Variants in SBF2 observed in about 807,000 individuals in gnomAD.
SBF2 encodes myotubularin-related protein 13.
Under a neutral mutation model 225.2 loss-of-function variants are expected in SBF2, and 112 were observed. The observed-to-expected ratio is 0.50, with a 90% CI of 0.43 to 0.58. SBF2 has a LOEUF of 0.58. Ranked by LOEUF, SBF2 falls within the 20% of genes least tolerant of loss-of-function variation. SBF2 has a pLI of 0.00. For synonymous variants in SBF2, 763 were observed against 773.3 expected, an observed-to-expected ratio of 0.99 and a Z score of 0.22; for missense variants, 1,996 against 2,206.2, an observed-to-expected ratio of 0.90 and a Z score of 1.91.
chr11:9,803,811 A>T (rs1853629260), intron 32 of SBF2, among the ~76,000 whole-genome samples: 1 of 151,612 alleles, frequency 6.6e-6, no homozygotes, highest in Non-Finnish European at 1.5e-5. Context: ...GAGGAAACAC[A>T]GCACTGGGCC....
intron 6 of SBF2, among the ~76,000 whole-genome samples, chr11:10,015,129 C>T (rs1000548428): frequency 1.3e-5 from 2 of 151,970 alleles, no homozygotes; most frequent in African/African-American, 2.4e-5. Context: ...GCAAGACGCA[C>T]CCTGTCTCAA....
intron 17 of SBF2, among the ~76,000 whole-genome samples, chr11:9,886,894 T>C (rs1469829770): frequency 6.6e-6 from 1 of 152,198 alleles, no homozygotes; most frequent in Non-Finnish European, 1.5e-5. Flanking sequence ...AGAATACACA[T>C]GCTATAATTT....
intron 2 of SBF2, among the ~76,000 whole-genome samples, chr11:10,055,537 ACACAC>A (rs2134732307): frequency 6.9e-6 from 1 of 144,922 alleles, no homozygotes; most frequent in Admixed American, 6.8e-5. Flanking sequence ...ACACACACAC[ACACAC>A]ACACACACAC....
chr11:10,111,639 A>G (rs1215808297), intron 2 of SBF2, among the ~76,000 whole-genome samples: 1 of 152,020 alleles, frequency 6.6e-6, no homozygotes, highest in Non-Finnish European at 1.5e-5. Flanking sequence ...ACTTTGGGAG[A>G]CGGAGGTGGG....
intron 1 of SBF2, among the ~76,000 whole-genome samples, chr11:10,245,202 T>C (rs1434777134): frequency 1.4e-5 from 2 of 144,014 alleles, no homozygotes; most frequent in African/African-American, 5.1e-5. Flanking sequence ...GAAATACAAA[T>C]AACCAACAGG....
At chr11:10,116,539 T>G (rs1186475177) in intron 2 of SBF2, among the ~76,000 whole-genome samples, 1 of 152,220 alleles carries the variant, frequency 6.6e-6, no homozygotes, top group East Asian at 1.9e-4. Context: ...GTCATATTAT[T>G]TCCCTGTTCA....
At chr11:10,065,240 T>C (rs1037966495) in intron 2 of SBF2, among the ~76,000 whole-genome samples, 6 of 152,082 alleles carry the variant, frequency 3.9e-5, no homozygotes, top group Admixed American at 6.5e-5. Context: ...AAACAACCTA[T>C]AAAAATTTGT....
intron 18 of SBF2, 142 bp downstream of exon 18, chr11:9,858,083 GA>G (rs1418008405): frequency 1.2e-6 from 1 of 842,308 alleles, no homozygotes; most frequent in Admixed American, 1.8e-5. Context: ...ATCAACAGAG[GA>G]AAGATATCAC....
intron 1 of SBF2, among the ~76,000 whole-genome samples, chr11:10,292,988 T>C (rs1407494642): frequency 6.6e-6 from 1 of 152,066 alleles, no homozygotes; most frequent in African/African-American, 2.4e-5. Context: ...CAAGAGTGGG[T>C]AGAACAATGG....
At chr11:10,215,692 A>G (rs1958103016) in intron 1 of SBF2, among the ~76,000 whole-genome samples, 1 of 152,216 alleles carries the variant, frequency 6.6e-6, no homozygotes, top group Admixed American at 6.5e-5. Context: ...ACTTACTACA[A>G]TGAATCCATA....
intron 32 of SBF2, among the ~76,000 whole-genome samples, chr11:9,804,585 C>A (rs1458704047): frequency 6.6e-6 from 1 of 152,096 alleles, no homozygotes; most frequent in Non-Finnish European, 1.5e-5. Context: ...TTGCTTATGC[C>A]CTTTGCATGA....
In SBF2 at chr11:10,081,432, C is replaced by T. The variant is rs566431931; in HGVS notation, c.142-38451G>A. ...CCTCTGGGATACAGCAAAAGCAGTGCTAAGAGGGAAATTTATAACATTAAA... is the reference window on the plus strand; with the variant it reads ...CCTCTGGGATACAGCAAAAGCAGTGTTAAGAGGGAAATTTATAACATTAAA... On this transcript the variant is annotated intron_variant, in intron 2 of 39. Coordinates refer to ENST00000256190, the MANE Select transcript of SBF2 (RefSeq NM_030962.4). 4.6e-5 allele frequency among the ~76,000 whole-genome samples: 7 copies of T among 152,116 alleles called. No homozygotes were observed. In the South Asian group the frequency reaches 1.0e-3, roughly 23 times the overall value.
At chr11:9,964,863 G>C (rs1245297125) in intron 14 of SBF2, among the ~76,000 whole-genome samples, 1 of 152,136 alleles carries the variant, frequency 6.6e-6, no homozygotes, top group Non-Finnish European at 1.5e-5. Context: ...AAATGAGGTA[G>C]TATCAATAGT....
Position 9,853,652 on chromosome 11 carries a change from A to T in SBF2, c.2424T>A (p.Asn808Lys), listed in dbSNP as rs146868794. 5.5e-5 allele frequency: 89 copies of T among 1,613,894 alleles called. No homozygotes were observed. Among genetic ancestry groups the T allele is most frequent in the Non-Finnish European group, 7.2e-5 (85 of 1,179,910 alleles). ...DTESGFEDSE[N>K]TDIANSVVRF... ...GCACAACAGAATTGGCAATGTCAGT[A>T]TTCTCTGAATCTTCAAACCCACTCT... Residue 808 changes from asparagine to lysine, a missense_variant, in exon 20 of 40, where the codon AAT (asparagine) becomes AAA (lysine). By Grantham distance (94) the Asn-to-Lys change is moderately conservative. Coordinates refer to ENST00000256190, the MANE Select transcript of SBF2 (RefSeq NM_030962.4).
At chr11:10,257,174 C>A (rs1399835537) in intron 1 of SBF2, among the ~76,000 whole-genome samples, 1 of 152,092 alleles carries the variant, frequency 6.6e-6, no homozygotes, top group Admixed American at 6.5e-5. Context: ...TCTGTGATGC[C>A]AAAGTTCATG....
rs137925125 is a variant in SBF2 at position 9,827,145 on chromosome 11, T to G, written c.3793+2211A>C. 2.3e-4 allele frequency among the ~76,000 whole-genome samples: 35 copies of G among 152,266 alleles called. No homozygotes were observed. The East Asian group carries it at 6.6e-3, about 29-fold the overall frequency. On this transcript the variant is annotated intron_variant, in intron 28 of 39. Transcript: ENST00000256190. ...GAGCCACCGTGCCCGGCCTACTTAG[T>G]ATCTTTTTAAGGGAATTCATCATTA...
chr11:9,803,189 T>C (rs993199591), intron 32 of SBF2, among the ~76,000 whole-genome samples: 1 of 144,544 alleles, frequency 6.9e-6, no homozygotes, highest in Non-Finnish European at 1.5e-5. Context: ...AACTGGTTTA[T>C]ATAAAACATT....
chr11:9,881,042 A>G (rs538323068), intron 17 of SBF2, among the ~76,000 whole-genome samples: 3 of 152,328 alleles, frequency 2.0e-5, no homozygotes, highest in South Asian at 4.1e-4. Flanking sequence ...TCTGGAGTCA[A>G]TGGTGGTTTT....
chr11:10,192,107 T>C (rs1355528172), intron 2 of SBF2, among the ~76,000 whole-genome samples: 1 of 152,128 alleles, frequency 6.6e-6, no homozygotes, highest in Admixed American at 6.5e-5. Flanking sequence ...AAAGGGACAT[T>C]GAAACAGGGT....
Sources: gnomAD v4.1 joint callset for allele counts (sites outside exome capture counted in the v4.1 genomes callset) on GRCh38, gnomAD v4.1.1 for gene constraint, MANE v1.5 for transcripts, NCBI Gene and HGNC (gene_info 2026-07-23, HGNC 2026-07-21) for gene names.